RBX1: variants seen among roughly 807,000 people sequenced by gnomAD.
RBX1 encodes E3 ubiquitin-protein ligase RBX1.
For synonymous variants in RBX1, 48 were observed against 47.9 expected (o/e 1.00, Z -0.01); for missense variants, 46 against 141.4 (o/e 0.33, Z 3.42).
chr22:40,968,990 A>C (rs1420081066), intron 4 of RBX1, among the ~76,000 whole-genome samples: 1 of 151,006 alleles, frequency 6.6e-6, no homozygotes, highest in Non-Finnish European at 1.5e-5. Flanking sequence ...ATTTGTTTGC[A>C]TGTTTTTAAC....
intron 2 of RBX1, among the ~76,000 whole-genome samples, chr22:40,961,310 C>T (rs1283385781): frequency 1.3e-5 from 2 of 151,836 alleles, no homozygotes; most frequent in African/African-American, 2.4e-5. Flanking sequence ...GTCTTGAATT[C>T]GTGGGCTAAA....
chr22:40,960,408 G>A (rs2058336702), intron 2 of RBX1, among the ~76,000 whole-genome samples: 1 of 152,098 alleles, frequency 6.6e-6, no homozygotes, highest in African/African-American at 2.4e-5. Flanking sequence ...AGGGTGGGGA[G>A]GACTTGAGAG....
intron 2 of RBX1, among the ~76,000 whole-genome samples, chr22:40,963,393 T>G (rs1601537791): frequency 1.3e-5 from 2 of 151,986 alleles, no homozygotes; most frequent in East Asian, 2.0e-4. Flanking sequence ...CCCAGCACTT[T>G]GGGAGGCTGA....
chr22:40,956,142 A>G (rs1022499607), intron 2 of RBX1, among the ~76,000 whole-genome samples: 1 of 152,136 alleles, frequency 6.6e-6, no homozygotes, highest in Non-Finnish European at 1.5e-5. Flanking sequence ...AGGACCACAG[A>G]AGACAAAGGC....
intron 2 of RBX1, 32 bp downstream of exon 2, chr22:40,953,665 G>A (rs756065359): frequency 8.2e-6 from 12 of 1,470,248 alleles, no homozygotes; most frequent in South Asian, 4.5e-5. Context: ...GGAGGAAGTT[G>A]AGAAGGTTGC....
chr22:40,965,722 G>A (rs753248455), intron 3 of RBX1, among the ~76,000 whole-genome samples: 22 of 152,274 alleles, frequency 1.4e-4, no homozygotes, highest in Admixed American at 2.6e-4. Context: ...GATTACAGGC[G>A]TGAGCCACCG....
At chr22:40,955,744 A>G (rs1392368672) in intron 2 of RBX1, among the ~76,000 whole-genome samples, 2 of 152,094 alleles carry the variant, frequency 1.3e-5, no homozygotes, top group Non-Finnish European at 2.9e-5. Context: ...CGAATCAAAT[A>G]TTTTCTGTTG....
chr22:40,954,843 G>T (rs1419523953), intron 2 of RBX1, among the ~76,000 whole-genome samples: 1 of 151,822 alleles, frequency 6.6e-6, no homozygotes, highest in Admixed American at 6.6e-5. Context: ...TTGGAGTGCA[G>T]TGGCGTGATC....
At chr22:40,968,770 A>G (rs540971063) in intron 4 of RBX1, among the ~76,000 whole-genome samples, 1 of 151,732 alleles carries the variant, frequency 6.6e-6, no homozygotes, top group East Asian at 1.9e-4. Flanking sequence ...TATCTCTTAT[A>G]TGTCCCGGTA....
intron 2 of RBX1, among the ~76,000 whole-genome samples, chr22:40,963,391 T>C (rs1008028505): frequency 2.0e-5 from 3 of 151,898 alleles, no homozygotes; most frequent in African/African-American, 7.2e-5. Flanking sequence ...ATCCCAGCAC[T>C]TTGGGAGGCT....
intron 3 of RBX1, chr22:40,967,519 A>T (rs777285890): frequency 4.0e-6 from 1 of 247,074 alleles, no homozygotes; most frequent in Non-Finnish European, 7.9e-6. Context: ...GCCACATTCC[A>T]CGTTCTCTTA....
At chr22:40,960,540 G>C (rs1359400042) in intron 2 of RBX1, among the ~76,000 whole-genome samples, 1 of 152,102 alleles carries the variant, frequency 6.6e-6, no homozygotes, top group African/African-American at 2.4e-5. Flanking sequence ...GAAAGACCCA[G>C]ATCAAATTTA....
intron 2 of RBX1, among the ~76,000 whole-genome samples, chr22:40,955,673 C>T (rs1426482482): frequency 6.6e-6 from 1 of 152,196 alleles, no homozygotes; most frequent in Non-Finnish European, 1.5e-5. Context: ...GTAAGACTAA[C>T]CCATAGTTGA....
intron 3 of RBX1, 85 bp downstream of exon 3, chr22:40,964,202 A>G: frequency 1.9e-6 from 2 of 1,029,900 alleles, no homozygotes; most frequent in Non-Finnish European, 3.0e-6. Context: ...ATAACTAGGG[A>G]AAAAAATGAC....
At chr22:40,955,549 G>A (rs1004008928) in intron 2 of RBX1, among the ~76,000 whole-genome samples, 2 of 151,970 alleles carry the variant, frequency 1.3e-5, no homozygotes. Flanking sequence ...TTCTGTCTTT[G>A]TACTATCTTT....
At chr22:40,961,500 G>A (rs1305322797) in intron 2 of RBX1, among the ~76,000 whole-genome samples, 6 of 151,526 alleles carry the variant, frequency 4.0e-5, no homozygotes, top group East Asian at 3.9e-4. Context: ...TGCAAGCTCC[G>A]CCTCCCGGGT....
intron 4 of RBX1, among the ~76,000 whole-genome samples, chr22:40,969,324 A>C (rs981058013): frequency 6.6e-6 from 1 of 152,222 alleles, no homozygotes; most frequent in African/African-American, 2.4e-5. Flanking sequence ...GTCAGTCCCT[A>C]TTGGTGGACA....
At chr22:40,971,677 C>A (rs1236101042) in intron 4 of RBX1, among the ~76,000 whole-genome samples, 1 of 152,072 alleles carries the variant, frequency 6.6e-6, no homozygotes, top group East Asian at 1.9e-4. Context: ...TTGCCTCAGT[C>A]TCCTGAGTAG....
At chr22:40,963,776 G>A (rs1479523895) in intron 2 of RBX1, among the ~76,000 whole-genome samples, 1 of 152,168 alleles carries the variant, frequency 6.6e-6, no homozygotes, top group Non-Finnish European at 1.5e-5. Context: ...AGCCCAGGAA[G>A]TCAAGGCTGC....
Sources: allele counts gnomAD v4.1 joint callset (sites outside exome capture counted in the v4.1 genomes callset), GRCh38; gene constraint gnomAD v4.1.1; transcripts MANE v1.5; gene names NCBI Gene and HGNC (gene_info 2026-07-23, HGNC 2026-07-21).